RARB: variants seen among roughly 807,000 people sequenced by gnomAD.
RARB encodes the protein HBV-activated protein.
In RARB, 17 loss-of-function variants were observed where a neutral mutation model predicts 51.9. The observed-to-expected ratio is 0.33, with a 90% confidence interval of 0.22 to 0.49. RARB has a LOEUF of 0.49. Among genes scored for constraint, RARB ranks in the 20% least tolerant of loss-of-function variants. The pLI, the probability that RARB is intolerant of heterozygous loss-of-function variation, is 0.99. For missense variants in RARB, 369 were observed against 550.8 expected (o/e 0.67, Z 3.30); for synonymous variants, 215 against 195.4 (o/e 1.10, Z -0.84).
intron 5 of RARB, among the ~76,000 whole-genome samples, chr3:25,201,879 G>T (rs1229447777): frequency 6.9e-6 from 1 of 143,958 alleles, no homozygotes; most frequent in African/African-American, 2.7e-5. Flanking sequence ...CAGGGATATT[G>T]GTCTACAATT....
chr3:25,052,133 T>C lies in RARB; in HGVS notation c.-379-7992T>C, dbSNP rs1016460367. Among the ~76,000 whole-genome samples, 8 of 152,212 alleles carry C rather than the reference T, an allele frequency of 5.3e-5. 1 individual carries two copies. The highest frequency in any genetic ancestry group is 4.6e-4 in the Admixed American group (7 of 15,272). Reference sequence around the variant, plus strand: ...TTTCACTGGCCAAAGCTAATTGGCCTACACCTAACTTAAACTGGACAGAGG... The same window carrying C: ...TTTCACTGGCCAAAGCTAATTGGCCCACACCTAACTTAAACTGGACAGAGG... On this transcript the variant is annotated intron_variant, in intron 2 of 11. Coordinates refer to the RARB transcript ENST00000383772.
rs534642108 is a variant in RARB, at chr3:25,153,206, C to T, written c.-279-20913C>T. On this transcript the variant is annotated intron_variant, in intron 4 of 11. Transcript: ENST00000383772. ...CAGTAGAGTAGAGGTGTCCTGAATG[C>T]TGATTCTTCACCAGGAAACATGTGT... Among the ~76,000 whole-genome samples the T allele has an allele frequency of 1.7e-3, 252 of 151,980 alleles. 2 individuals carry two copies. The highest frequency in any genetic ancestry group is 2.1e-3 in the Non-Finnish European group (146 of 67,992).
intron 5 of RARB, among the ~76,000 whole-genome samples, chr3:25,397,951 T>A (rs1386379891): frequency 1.3e-5 from 2 of 152,162 alleles, no homozygotes; most frequent in Non-Finnish European, 2.9e-5. Context: ...TGGTTATAAT[T>A]CTTATATAAC....
intron 5 of RARB, among the ~76,000 whole-genome samples, chr3:25,411,167 A>G (rs1350793751): frequency 6.6e-6 from 1 of 152,226 alleles, no homozygotes; most frequent in Non-Finnish European, 1.5e-5. Context: ...AATGAAAGGA[A>G]ATTTATAATA....
intron 2 of RARB, among the ~76,000 whole-genome samples, chr3:24,918,985 A>T (rs986143271): frequency 1.3e-5 from 2 of 152,206 alleles, no homozygotes; most frequent in Non-Finnish European, 2.9e-5. Context: ...TTGGTACAGT[A>T]TGATTTCCTT....
chr3:25,587,640 A>G (rs554792809), intron 5 of RARB, among the ~76,000 whole-genome samples: 1 of 152,206 alleles, frequency 6.6e-6, no homozygotes, highest in Admixed American at 6.5e-5. Flanking sequence ...CAGGCTGGCT[A>G]CAGGTCCCAT....
chr3:25,292,129 G>A (rs1447684100), intron 5 of RARB, among the ~76,000 whole-genome samples: 1 of 151,878 alleles, frequency 6.6e-6, no homozygotes, highest in African/African-American at 2.4e-5. Flanking sequence ...CCTGCTTCAG[G>A]GGTTGCTGAT....
intron 2 of RARB, chr3:25,020,362 A>G (rs1697607799): frequency 6.6e-6 from 1 of 151,910 alleles, no homozygotes; most frequent in African/African-American, 2.4e-5. Context: ...TAGACACCAG[A>G]TCAGCAAAGT....
chr3:25,072,969 A>G (rs961637721), intron 3 of RARB, among the ~76,000 whole-genome samples: 1 of 152,040 alleles, frequency 6.6e-6, no homozygotes, highest in African/African-American at 2.4e-5. Context: ...AAGTGCTGGG[A>G]TTACAGGTGT....
intron 2 of RARB, among the ~76,000 whole-genome samples, chr3:25,469,323 T>G (rs1480079814): frequency 6.6e-6 from 1 of 152,228 alleles, no homozygotes; most frequent in Non-Finnish European, 1.5e-5. Context: ...AAAACCACAT[T>G]GTTGTTTTTA....
At chr3:25,123,827 C>A (rs552613103) in intron 3 of RARB, among the ~76,000 whole-genome samples, 15 of 152,292 alleles carry the variant, frequency 9.8e-5, no homozygotes, top group Middle Eastern at 3.4e-3. Context: ...CATCTACTAT[C>A]TCTAATGTTC....
At chr3:24,992,544 G>A (rs915065011) in intron 2 of RARB, among the ~76,000 whole-genome samples, 5 of 152,148 alleles carry the variant, frequency 3.3e-5, no homozygotes, top group African/African-American at 9.7e-5. Context: ...TAGTTTGCTA[G>A]GGCTGCCATA....
intron 4 of RARB, among the ~76,000 whole-genome samples, chr3:25,575,355 C>T (rs1367989165): frequency 6.6e-6 from 1 of 152,204 alleles, no homozygotes; most frequent in East Asian, 1.9e-4. Context: ...ACCATTCTTT[C>T]ATGTTGCAAC....
At chr3:24,971,500 C>T (rs1696396836) in intron 2 of RARB, among the ~76,000 whole-genome samples, 2 of 152,124 alleles carry the variant, frequency 1.3e-5, no homozygotes, top group Middle Eastern at 3.4e-3. Context: ...CGTTATTTAT[C>T]TGATATTGTG....
rs574638148 is a variant in RARB at position 25,552,379 on chromosome 3, C to T, written c.449-17379C>T. ...CATGCACAGTTAAACCATATGTTCTCAGGATAATGAAAATGGCTGGGGTTG... is the reference window on the plus strand; with the variant it reads ...CATGCACAGTTAAACCATATGTTCTTAGGATAATGAAAATGGCTGGGGTTG... On this transcript the variant is annotated intron_variant, in intron 3 of 7. Coordinates refer to ENST00000330688, the MANE Select transcript of RARB (RefSeq NM_000965.5). Among the ~76,000 whole-genome samples the T allele has an allele frequency of 6.6e-5, 10 of 152,000 alleles. No individual in the cohort carries two copies. In the East Asian group the frequency reaches 1.9e-3, roughly 29 times the overall value.
intron 5 of RARB, among the ~76,000 whole-genome samples, chr3:25,325,332 G>A (rs542830861): frequency 1.3e-5 from 2 of 152,046 alleles, no homozygotes; most frequent in Admixed American, 6.5e-5. Flanking sequence ...TGGTTTTGGT[G>A]GGTTTTGGCT....
At chr3:24,997,150 C>CAT (rs10649630) in intron 2 of RARB, among the ~76,000 whole-genome samples, 115,799 of 151,818 alleles carry the variant, frequency 0.76, 44,342 homozygotes, top group South Asian at 0.84. Context: ...GCATTGGGTG[C>CAT]ATATATGTAT....
At chr3:24,918,511 C>T (rs571766776) in intron 2 of RARB, among the ~76,000 whole-genome samples, 7 of 152,084 alleles carry the variant, frequency 4.6e-5, no homozygotes, top group Non-Finnish European at 1.0e-4. Context: ...TACCAAAAAC[C>T]ATTAAATTAT....
At chr3:25,369,413 G>A (rs1706231830) in intron 5 of RARB, among the ~76,000 whole-genome samples, 1 of 152,286 alleles carries the variant, frequency 6.6e-6, no homozygotes, top group South Asian at 2.1e-4. Context: ...ATAATGAAAA[G>A]AAGAAATAAG....
Sources: gnomAD v4.1 joint callset for allele counts (sites outside exome capture counted in the v4.1 genomes callset) on GRCh38, gnomAD v4.1.1 for gene constraint, MANE v1.5 for transcripts, NCBI Gene and HGNC (gene_info 2026-07-23, HGNC 2026-07-21) for gene names.